Variants in ACAD11 observed in about 807,000 individuals in gnomAD.
ACAD11 encodes the protein acyl-CoA dehydrogenase family member 11.
Under a neutral mutation model 102.2 loss-of-function variants are expected in ACAD11, and 83 were observed. The ratio of observed to expected loss-of-function variants is 0.81; its 90% CI spans 0.68 to 0.97. ACAD11 has a LOEUF of 0.97. Ranked by LOEUF, ACAD11 falls within the 50% of genes least tolerant of loss-of-function variation. The probability of loss-of-function intolerance (pLI) is 0.00; values close to 1 mark genes in which losing one functional copy is unlikely to be tolerated. For synonymous variants in ACAD11, 324 were observed against 319.8 expected (o/e 1.01, Z -0.14); for missense variants, 901 against 951.7 (o/e 0.95, Z 0.70).
intron 13 of ACAD11, among the ~76,000 whole-genome samples, chr3:132,595,873 C>T (rs1300657008): frequency 6.6e-6 from 1 of 151,696 alleles, no homozygotes; most frequent in Non-Finnish European, 1.5e-5. Context: ...TGTGGCAATT[C>T]CTCAAAGACC....
chr3:132,653,178 T>C (rs1046619168), intron 1 of ACAD11, among the ~76,000 whole-genome samples: 2 of 152,192 alleles, frequency 1.3e-5, no homozygotes, highest in African/African-American at 4.8e-5. Context: ...CTGGCAATCA[T>C]ATTTCCTTAG....
At chr3:132,630,109 C>A (rs1457383588) in intron 7 of ACAD11, among the ~76,000 whole-genome samples, 2 of 152,068 alleles carry the variant, frequency 1.3e-5, no homozygotes, top group East Asian at 3.9e-4. Context: ...CAGAGATCAT[C>A]AAAAGATTTT....
chr3:132,619,372 T>C (rs1939525400), intron 10 of ACAD11, 96 bp downstream of exon 10: 7 of 698,846 alleles, frequency 1.0e-5, no homozygotes, highest in South Asian at 2.4e-5. Flanking sequence ...GATATAATTT[T>C]CTTCTACATA....
At chr3:132,581,168 C>T (rs1443331584) in intron 13 of ACAD11, among the ~76,000 whole-genome samples, 1 of 151,748 alleles carries the variant, frequency 6.6e-6, no homozygotes, top group Non-Finnish European at 1.5e-5. Flanking sequence ...CTAAAAGGAC[C>T]GAGGATTAGT....
intron 13 of ACAD11, chr3:132,600,696 A>T: frequency 6.2e-7 from 1 of 1,613,878 alleles, no homozygotes; most frequent in Non-Finnish European, 8.5e-7. Flanking sequence ...TGGGCTGTTA[A>T]TGCAGTTCAT....
intron 9 of ACAD11, chr3:132,621,414 A>G (rs1272976812): frequency 1.3e-5 from 2 of 152,258 alleles, no homozygotes; most frequent in African/African-American, 4.8e-5. Context: ...TAATAGCTTC[A>G]ATTGCTGAGA....
At chr3:132,634,093 A>G (rs1940167821) in intron 5 of ACAD11, among the ~76,000 whole-genome samples, 1 of 152,242 alleles carries the variant, frequency 6.6e-6, no homozygotes, top group African/African-American at 2.4e-5. Flanking sequence ...TGCACAGCAA[A>G]AGAAACTACC....
At chr3:132,566,932 C>A (rs930693174) in intron 17 of ACAD11, among the ~76,000 whole-genome samples, 1 of 152,082 alleles carries the variant, frequency 6.6e-6, no homozygotes, top group African/African-American at 2.4e-5. Flanking sequence ...AAAATTATAA[C>A]CCTGATGTTG....
rs1936964765 is a variant in ACAD11, at chr3:132,558,964, A to G, written c.*7T>C. On this transcript the variant is annotated 3_prime_UTR_variant, in exon 20 of 20. Transcript: ENST00000264990. ...TCTGCCAGTGGGATGTGGCAGTGCC[A>G]CCCTCCTTATATCTTGGCTGTCAGT... 1.9e-6 allele frequency: 3 copies of G among 1,605,122 alleles called. No individual in the cohort carries two copies. Among genetic ancestry groups the G allele is most frequent in the Non-Finnish European group, 2.6e-6 (3 of 1,173,424 alleles).
chr3:132,603,499 C>G (rs946571830), intron 12 of ACAD11, among the ~76,000 whole-genome samples, 172 bp from the exon 13 acceptor site: 2 of 152,130 alleles, frequency 1.3e-5, no homozygotes, highest in Non-Finnish European at 2.9e-5. Flanking sequence ...TAAACGTGCA[C>G]TGAAAGAATG....
At chr3:132,572,222 G>A (rs1937400367) in intron 17 of ACAD11, among the ~76,000 whole-genome samples, 1 of 151,954 alleles carries the variant, frequency 6.6e-6, no homozygotes, top group Admixed American at 6.6e-5. Context: ...GAAGTCTCAG[G>A]ATACAAAATC....
intron 1 of ACAD11, chr3:132,649,686 C>T (rs996991037): frequency 9.9e-5 from 15 of 152,248 alleles, no homozygotes; most frequent in African/African-American, 3.4e-4. Context: ...TCCCCTGGGC[C>T]CACTTTTCTT....
At chr3:132,619,165 C>T (rs1396328180) in intron 10 of ACAD11, among the ~76,000 whole-genome samples, 1 of 152,120 alleles carries the variant, frequency 6.6e-6, no homozygotes, top group African/African-American at 2.4e-5. Flanking sequence ...TGGATTAATT[C>T]TATGTGGGAC....
Position 132,628,387 on chromosome 3 carries a change from G to A in ACAD11, c.1023C>T (p.Ala341=). ...NNSSEDSFLF[A]NIVQPLAETG... is the part of the protein sequence containing the mutation. ...TTTCTGCCAGAGGTTGCACAATATT[G>A]GCAAATAAAAAGCTATCCTCAGATG... Residue 341 remains alanine (A), a synonymous_variant, in exon 8 of 20, where the codon GCC becomes GCT. Transcript: ENST00000264990. 6.2e-7 allele frequency: 1 copy of A among 1,612,912 alleles called. No individual in the cohort carries two copies. Among genetic ancestry groups the A allele is most frequent in the Non-Finnish European group, 8.5e-7 (1 of 1,179,542 alleles).
In ACAD11 at chr3:132,655,328, TG is replaced by T. The variant is rs1242292952; in HGVS notation, c.149+4274del. On this transcript the variant is annotated intron_variant, in intron 1 of 19. Transcript: ENST00000264990. ...GTTTTTTTTGTTGTTGTTGTTTGTT[TG>T]TTTGTTTAAAGATTACTTCCCTCCT... 3.8e-3 allele frequency among the ~76,000 whole-genome samples: 572 copies of T among 152,314 alleles called. 2 individuals are homozygous for T. Among genetic ancestry groups the T allele is most frequent in the African/African-American group, 0.013 (541 of 41,574 alleles).
At chr3:132,605,053 CGGG>C in intron 12 of ACAD11, 42 bp downstream of exon 12, 1 of 1,461,720 alleles carries the variant, frequency 6.8e-7, no homozygotes, top group Non-Finnish European at 9.5e-7. Context: ...ATAATAACTC[CGGG>C]ACGACTGACT....
intron 5 of ACAD11, among the ~76,000 whole-genome samples, chr3:132,631,860 C>A (rs1940053047): frequency 6.6e-6 from 1 of 152,170 alleles, no homozygotes; most frequent in Admixed American, 6.5e-5. Context: ...AGTAATTAAT[C>A]TAACTGTATA....
chr3:132,640,576 T>G (rs879514188), intron 4 of ACAD11, among the ~76,000 whole-genome samples: 1 of 152,180 alleles, frequency 6.6e-6, no homozygotes, highest in African/African-American at 2.4e-5. Context: ...CCGAGGTATC[T>G]TTGCTCAACT....
In ACAD11 at chr3:132,561,124, C is replaced by G. The variant is rs768756407; in HGVS notation, c.2095G>C (p.Gly699Arg). The change falls in exon 18 of 20, where the codon GGC (glycine) becomes CGC (arginine). Residue 699 changes from glycine to arginine, a missense_variant. Coordinates refer to ENST00000264990, the MANE Select transcript of ACAD11 (RefSeq NM_032169.5). ...ACCTCTTTCTTAGCGCCAGCACTGC[C>G]CAGAGTGTCCATGCTGTGAGCAGCT... ...LKAAHSMDTL[G>R]SAGAKKEIAM... The G allele has an allele frequency of 5.0e-6, 8 of 1,613,174 alleles. No individual in the cohort carries two copies. The Admixed American group carries it at 8.3e-5, about 17-fold the overall frequency.
Sources: gnomAD v4.1 joint callset for allele counts (sites outside exome capture counted in the v4.1 genomes callset) on GRCh38, gnomAD v4.1.1 for gene constraint, MANE v1.5 for transcripts, NCBI Gene and HGNC (gene_info 2026-07-23, HGNC 2026-07-21) for gene names.